Variants in TTC33 observed in about 807,000 individuals in gnomAD.
The protein encoded by TTC33 is tetratricopeptide repeat protein 33.
TTC33 carries 24 observed loss-of-function variants against 29.4 expected under a neutral mutation model. The observed-to-expected ratio is 0.82, with a 90% CI of 0.59 to 1.15. The LOEUF is 1.15. Ranked by LOEUF, TTC33 falls within the 50% of genes most tolerant of loss-of-function variation. The probability of loss-of-function intolerance (pLI) is 0.00; values close to 1 mark genes in which losing one functional copy is unlikely to be tolerated. For missense variants in TTC33, 286 were observed against 310.4 expected, an observed-to-expected ratio of 0.92 and a Z score of 0.59; for synonymous variants, 107 against 100.3, an observed-to-expected ratio of 1.07 and a Z score of -0.40.
chr5:40,724,946 A>G (rs373879151), intron 4 of TTC33, among the ~76,000 whole-genome samples: 34 of 150,008 alleles, frequency 2.3e-4, no homozygotes, highest in African/African-American at 8.1e-4. Context: ...TCCACCTGCC[A>G]GGTTCAAGAT....
chr5:40,751,266 C>A (rs958017170), intron 1 of TTC33, among the ~76,000 whole-genome samples: 1 of 152,208 alleles, frequency 6.6e-6, no homozygotes, highest in Non-Finnish European at 1.5e-5. Context: ...GGCATGAAAA[C>A]AACATTAATC....
At chr5:40,728,867 C>T (rs963301354) in intron 3 of TTC33, among the ~76,000 whole-genome samples, 1 of 152,126 alleles carries the variant, frequency 6.6e-6, no homozygotes, top group Non-Finnish European at 1.5e-5. Flanking sequence ...ACCAGCCATC[C>T]CGTCCCTAAT....
At chr5:40,735,981 C>T (rs1341989931) in intron 2 of TTC33, among the ~76,000 whole-genome samples, 1 of 152,072 alleles carries the variant, frequency 6.6e-6, no homozygotes, top group African/African-American at 2.4e-5. Flanking sequence ...TGGAGAGAAG[C>T]TTTTTAAATG....
intron 4 of TTC33, among the ~76,000 whole-genome samples, chr5:40,727,541 A>G (rs1258196526): frequency 6.6e-6 from 1 of 152,188 alleles, no homozygotes; most frequent in Admixed American, 6.5e-5. Flanking sequence ...TCATTTGCAC[A>G]CATTTCTACT....
intron 1 of TTC33, among the ~76,000 whole-genome samples, chr5:40,755,593 T>A (rs1346518698): frequency 6.6e-6 from 1 of 152,164 alleles, no homozygotes; most frequent in Non-Finnish European, 1.5e-5. Flanking sequence ...GACTCGCTTG[T>A]CCCTGGAGAC....
At chr5:40,743,482 A>AT (rs2111926521) in intron 2 of TTC33, among the ~76,000 whole-genome samples, 1 of 152,248 alleles carries the variant, frequency 6.6e-6, no homozygotes, top group South Asian at 2.1e-4. Context: ...AGCCTCTTAA[A>AT]TATTTTTTTG....
intron 1 of TTC33, among the ~76,000 whole-genome samples, chr5:40,753,699 G>A (rs1199231214): frequency 6.6e-6 from 1 of 152,164 alleles, no homozygotes; most frequent in Non-Finnish European, 1.5e-5. Flanking sequence ...CAAGATATCA[G>A]TGTAAGACAA....
rs145505869 is a variant in TTC33 at position 40,738,911 on chromosome 5, C to G, written c.221+7887G>C. The stretch of plus-strand genomic sequence containing the variant: ...ACATGAATAGCTTGTCTTCTTCCTA[C>G]TGAGTTGTAAGAGTTCTTCTATACT... On this transcript the variant is annotated intron_variant, in intron 2 of 4. Coordinates refer to ENST00000337702, the MANE Select transcript of TTC33 (RefSeq NM_012382.3). 3.9e-5 allele frequency among the ~76,000 whole-genome samples: 6 copies of G among 152,256 alleles called. No homozygotes were observed. The East Asian group carries it at 1.2e-3, about 29-fold the overall frequency.
chr5:40,733,864 T>C (rs1187262139), intron 2 of TTC33, among the ~76,000 whole-genome samples: 1 of 152,196 alleles, frequency 6.6e-6, no homozygotes, highest in Non-Finnish European at 1.5e-5. Flanking sequence ...TTTTTCTTTT[T>C]ATTAGGCAGG....
chr5:40,725,712 C>G (rs912439970), intron 4 of TTC33, among the ~76,000 whole-genome samples: 1 of 151,728 alleles, frequency 6.6e-6, no homozygotes, highest in Admixed American at 6.6e-5. Context: ...GGATAAATCC[C>G]TTATGTATTC....
intron 2 of TTC33, among the ~76,000 whole-genome samples, chr5:40,738,499 C>A (rs146946412): frequency 0.2 from 14,910 of 75,994 alleles, 1,373 homozygotes; most frequent in East Asian, 0.36. Flanking sequence ...CAATACAATA[C>A]AATACAATAA....
chr5:40,727,659 G>A (rs1476076263), intron 4 of TTC33, among the ~76,000 whole-genome samples: 17 of 152,048 alleles, frequency 1.1e-4, no homozygotes, highest in Non-Finnish European at 5.9e-5. Context: ...ATCTATCAGC[G>A]GTTTTGTCTC....
rs1352377329 is a variant in TTC33 at position 40,723,800 on chromosome 5, G to A, written c.435+4545C>T. 2.0e-5 allele frequency among the ~76,000 whole-genome samples: 3 copies of A among 151,608 alleles called. No homozygotes were observed. In the East Asian group the frequency reaches 5.8e-4, roughly 29 times the overall value. On this transcript the variant is annotated intron_variant, in intron 4 of 4. Coordinates refer to ENST00000337702, the MANE Select transcript of TTC33 (RefSeq NM_012382.3). ...GAATCACTCGAACCCGGGAGGCAGA[G>A]GTTACAGTGAGCCGAGATCACACCA... is the stretch of plus-strand genomic sequence containing the variant.
intron 1 of TTC33, among the ~76,000 whole-genome samples, chr5:40,754,634 CAA>C (rs1742952648): frequency 1.3e-5 from 2 of 152,292 alleles, no homozygotes; most frequent in South Asian, 4.1e-4. Context: ...ATATTTTCTT[CAA>C]AAGTGTCTGG....
intron 2 of TTC33, among the ~76,000 whole-genome samples, chr5:40,734,389 A>C (rs546129435): frequency 7.2e-5 from 11 of 152,366 alleles, no homozygotes; most frequent in African/African-American, 2.6e-4. Context: ...ACTTGGTTTA[A>C]AGTCACTGTG....
At chr5:40,719,596 A>G (rs1489035714) in intron 4 of TTC33, among the ~76,000 whole-genome samples, 1 of 152,128 alleles carries the variant, frequency 6.6e-6, no homozygotes, top group African/African-American at 2.4e-5. Context: ...TGATAACTAT[A>G]TGTTTCATTT....
intron 4 of TTC33, among the ~76,000 whole-genome samples, chr5:40,726,339 T>C (rs1209808713): frequency 6.6e-6 from 1 of 151,908 alleles, no homozygotes; most frequent in Non-Finnish European, 1.5e-5. Flanking sequence ...GCTATTTACA[T>C]ACATAATTTC....
intron 1 of TTC33, among the ~76,000 whole-genome samples, chr5:40,752,803 T>G (rs1352115288): frequency 6.6e-6 from 1 of 152,150 alleles, no homozygotes. Context: ...ATTGGACAAA[T>G]AGCACGAAAA....
chr5:40,736,724 G>C (rs1209377286), intron 2 of TTC33, among the ~76,000 whole-genome samples: 1 of 152,132 alleles, frequency 6.6e-6, no homozygotes, highest in Non-Finnish European at 1.5e-5. Context: ...CATGGACTTT[G>C]CTCTTTAATC....
Sources: gnomAD v4.1 joint callset for allele counts (sites outside exome capture counted in the v4.1 genomes callset) on GRCh38, gnomAD v4.1.1 for gene constraint, MANE v1.5 for transcripts, NCBI Gene and HGNC (gene_info 2026-07-23, HGNC 2026-07-21) for gene names.